PTPRD: variants seen among roughly 807,000 people sequenced by gnomAD.
PTPRD encodes receptor-type tyrosine-protein phosphatase delta.
In PTPRD, 34 loss-of-function variants were observed where a neutral mutation model predicts 214.5. That is an observed-to-expected ratio of 0.16 (90% CI 0.12 to 0.21). PTPRD has a LOEUF of 0.21. Ranked by LOEUF, PTPRD falls within the 10% of genes least tolerant of loss-of-function variation. The probability of loss-of-function intolerance (pLI) is 1.00; values close to 1 mark genes in which losing one functional copy is unlikely to be tolerated. For missense variants in PTPRD, 2,545 were observed against 2,398.7 expected, an observed-to-expected ratio of 1.06 and a Z score of -1.27; for synonymous variants, 1,128 against 845.7, an observed-to-expected ratio of 1.33 and a Z score of -5.79.
chr9:9,126,038 A>G (rs2099832052), intron 10 of PTPRD, among the ~76,000 whole-genome samples: 1 of 152,188 alleles, frequency 6.6e-6, no homozygotes, highest in East Asian at 1.9e-4. Flanking sequence ...CAGCATTGCC[A>G]ACCAGGGAAG....
chr9:8,857,611 C>G (rs1330134767), intron 11 of PTPRD: 2 of 153,304 alleles, frequency 1.3e-5, no homozygotes, highest in African/African-American at 4.8e-5. Flanking sequence ...CACCGCGGGG[C>G]GGACGGGGTC....
At chr9:9,903,528 T>C (rs2076880443) in intron 5 of PTPRD, among the ~76,000 whole-genome samples, 2 of 152,160 alleles carry the variant, frequency 1.3e-5, no homozygotes, top group South Asian at 4.1e-4. Context: ...AGATTAGTTC[T>C]GTATCACTTA....
At position 9,406,301 on chromosome 9, in the gene PTPRD, A is replaced by C. The variant is rs149362676; in HGVS notation, c.-236-8819T>G. ...CTGCCTTCTTTTGTCTCTGTCTTTC[A>C]CTCTCAATTAGAAGGCTTAGAACAT... is the stretch of plus-strand genomic sequence containing the variant. On this transcript the variant is annotated intron_variant, in intron 8 of 45. Transcript: ENST00000381196. Among the ~76,000 whole-genome samples, 29 of 151,934 alleles carry C rather than the reference A, an allele frequency of 1.9e-4. No homozygotes were observed. The East Asian group carries it at 5.6e-3, about 30-fold the overall frequency.
rs562439934 is a variant in PTPRD, at chr9:10,360,873, C to A, written c.-599-19856G>T. 5.9e-5 allele frequency among the ~76,000 whole-genome samples: 9 copies of A among 152,216 alleles called. No individual in the cohort carries two copies. The East Asian group carries it at 1.4e-3, about 23-fold the overall frequency. ...ATCCCAGCACTTTGGGAGGCCAAGA[C>A]GGGCAGATCGCGAGGTCAGGAGATC... On this transcript the variant is annotated intron_variant, in intron 2 of 45. Transcript: ENST00000381196.
intron 3 of PTPRD, among the ~76,000 whole-genome samples, chr9:10,304,897 G>GA (rs34276546): frequency 1.3e-5 from 2 of 152,070 alleles, no homozygotes; most frequent in African/African-American, 4.8e-5. Flanking sequence ...CACAGAATTG[G>GA]AAAAAAACTA....
chr9:10,069,426 T>C (rs1389722300), intron 3 of PTPRD, among the ~76,000 whole-genome samples: 3 of 152,044 alleles, frequency 2.0e-5, no homozygotes, highest in East Asian at 1.9e-4. Context: ...AGGCTCCCTA[T>C]TGGAGCTGGA....
intron 14 of PTPRD, among the ~76,000 whole-genome samples, chr9:8,613,898 T>G (rs2095528927): frequency 6.6e-6 from 1 of 152,084 alleles, no homozygotes; most frequent in South Asian, 2.1e-4. Context: ...GAATAAATAG[T>G]CTGTCATTTT....
chr9:9,874,123 G>C (rs909633781), intron 5 of PTPRD, among the ~76,000 whole-genome samples: 2 of 152,044 alleles, frequency 1.3e-5, no homozygotes, highest in Non-Finnish European at 2.9e-5. Flanking sequence ...GGATGAGTAA[G>C]AGTAAAACAA....
At position 8,690,488 on chromosome 9, in the gene PTPRD, C is replaced by T. The variant is rs377627763; in HGVS notation, c.64+43292G>A. Among the ~76,000 whole-genome samples, 86 of 148,694 alleles carry T rather than the reference C, an allele frequency of 5.8e-4. 1 individual carries two copies. The highest frequency in any genetic ancestry group is 2.1e-3 in the African/African-American group (83 of 39,888). On this transcript the variant is annotated intron_variant, in intron 12 of 45. Coordinates refer to ENST00000381196, the MANE Select transcript of PTPRD (RefSeq NM_002839.4). Reference sequence around the variant, plus strand: ...AGCTTGCACTGAGCCAAGATTGCACCACTGCACTCCAGTCTGGGCGACAGA... The same window carrying T: ...AGCTTGCACTGAGCCAAGATTGCACTACTGCACTCCAGTCTGGGCGACAGA...
At chr9:10,444,998 T>C (rs1182062298) in intron 2 of PTPRD, among the ~76,000 whole-genome samples, 1 of 151,946 alleles carries the variant, frequency 6.6e-6, no homozygotes, top group Non-Finnish European at 1.5e-5. Flanking sequence ...GCACATGCTA[T>C]TGGCCTGGAA....
At chr9:8,822,020 T>C (rs1028167203) in intron 11 of PTPRD, among the ~76,000 whole-genome samples, 7 of 152,224 alleles carry the variant, frequency 4.6e-5, no homozygotes, top group Admixed American at 3.3e-4. Flanking sequence ...CATAGACAGT[T>C]ACAGGATTTG....
chr9:8,587,908 CTT>C (rs1174893199), intron 14 of PTPRD, among the ~76,000 whole-genome samples: 2 of 152,238 alleles, frequency 1.3e-5, no homozygotes, highest in Non-Finnish European at 2.9e-5. Context: ...CCAACAAGTA[CTT>C]GAAATAATCA....
intron 9 of PTPRD, among the ~76,000 whole-genome samples, chr9:9,234,503 G>A (rs2099965295): frequency 6.6e-6 from 1 of 152,102 alleles, no homozygotes; most frequent in Non-Finnish European, 1.5e-5. Context: ...AATTTCTGCT[G>A]CATGCTTGAA....
intron 9 of PTPRD, among the ~76,000 whole-genome samples, chr9:9,216,828 G>C (rs1272694417): frequency 6.6e-6 from 1 of 151,982 alleles, no homozygotes; most frequent in Non-Finnish European, 1.5e-5. Context: ...ATCTATAACT[G>C]TGTTAATATA....
chr9:10,367,220 G>T (rs2097533598), intron 2 of PTPRD, among the ~76,000 whole-genome samples: 1 of 152,074 alleles, frequency 6.6e-6, no homozygotes, highest in South Asian at 2.1e-4. Flanking sequence ...TGCAAGTTAA[G>T]AGAGAAATTA....
chr9:9,018,889 C>T (rs1412074532), intron 10 of PTPRD, among the ~76,000 whole-genome samples, 154 bp from the exon 11 acceptor site: 1 of 152,094 alleles, frequency 6.6e-6, no homozygotes, highest in African/African-American at 2.4e-5. Flanking sequence ...CATTTCCTTT[C>T]ACACTTATTG....
At chr9:8,616,198 C>G (rs952426460) in intron 14 of PTPRD, among the ~76,000 whole-genome samples, 1 of 152,002 alleles carries the variant, frequency 6.6e-6, no homozygotes, top group East Asian at 1.9e-4. Flanking sequence ...GGTACTGGAC[C>G]ATCAGTACAA....
At chr9:9,795,241 T>C (rs988361341) in intron 5 of PTPRD, among the ~76,000 whole-genome samples, 7 of 152,198 alleles carry the variant, frequency 4.6e-5, no homozygotes, top group South Asian at 2.1e-4. Context: ...GAGAAATATT[T>C]GAGAATATAT....
chr9:9,687,101 T>A (rs2097179129), intron 7 of PTPRD, among the ~76,000 whole-genome samples: 1 of 151,472 alleles, frequency 6.6e-6, no homozygotes, highest in Non-Finnish European at 1.5e-5. Context: ...ATAAATTAAC[T>A]CAGTAGAAGG....
Sources: gnomAD v4.1 joint callset for allele counts (sites outside exome capture counted in the v4.1 genomes callset) on GRCh38, gnomAD v4.1.1 for gene constraint, MANE v1.5 for transcripts, NCBI Gene and HGNC (gene_info 2026-07-23, HGNC 2026-07-21) for gene names.